The following PSTPIP2 variants were observed in gnomAD, a reference collection of about 807,000 sequenced individuals.
The protein encoded by PSTPIP2 is proline-serine-threonine phosphatase-interacting protein 2.
In PSTPIP2, 33 loss-of-function variants were observed where a neutral mutation model predicts 63.3. The ratio of observed to expected loss-of-function variants is 0.52; its 90% CI spans 0.40 to 0.70. The LOEUF (loss-of-function observed/expected upper bound fraction) is 0.70. PSTPIP2 is among the 30% of genes least tolerant of loss of function. The pLI, the probability that PSTPIP2 is intolerant of heterozygous loss-of-function variation, is 0.00. For missense variants in PSTPIP2, 312 were observed against 400.7 expected (o/e 0.78, Z 1.89); for synonymous variants, 125 against 132.7 (o/e 0.94, Z 0.40).
At chr18:45,994,076 T>C (rs1461452254) in intron 9 of PSTPIP2, 1 of 301,290 alleles carries the variant, frequency 3.3e-6, no homozygotes, top group Non-Finnish European at 6.5e-6. Flanking sequence ...AATGAATGAG[T>C]TTGACTGGCA....
chr18:45,998,924 C>T, intron 7 of PSTPIP2, 85 bp from the exon 8 acceptor site: 1 of 1,474,284 alleles, frequency 6.8e-7, no homozygotes. Context: ...GATTGAAAAG[C>T]AGTAACTATG....
At chr18:46,056,830 G>A (rs1056533241) in intron 1 of PSTPIP2, among the ~76,000 whole-genome samples, 3 of 151,954 alleles carry the variant, frequency 2.0e-5, no homozygotes, top group Non-Finnish European at 4.4e-5. Flanking sequence ...GGCCAGATGC[G>A]GTGGCTCACA....
At chr18:45,997,667 C>A (rs1401596010) in intron 9 of PSTPIP2, 82 bp downstream of exon 9, 1 of 142,246 alleles carries the variant, frequency 7.0e-6, no homozygotes, top group Non-Finnish European at 1.4e-5. Context: ...TCCTCCCCTC[C>A]CCCCCCCGTC....
At chr18:46,010,469 C>T (rs1014566735) in intron 5 of PSTPIP2, among the ~76,000 whole-genome samples, 4 of 152,182 alleles carry the variant, frequency 2.6e-5, no homozygotes, top group Non-Finnish European at 5.9e-5. Flanking sequence ...TCTAAGGACC[C>T]TACATGGCTG....
intron 2 of PSTPIP2, among the ~76,000 whole-genome samples, chr18:46,031,696 C>T (rs1236600701): frequency 6.6e-6 from 1 of 152,132 alleles, no homozygotes; most frequent in African/African-American, 2.4e-5. Flanking sequence ...ATCCTTTTAG[C>T]CGCAGAATTA....
chr18:46,042,850 C>T (rs1181051826), intron 1 of PSTPIP2, among the ~76,000 whole-genome samples: 2 of 152,156 alleles, frequency 1.3e-5, no homozygotes, highest in Non-Finnish European at 2.9e-5. Flanking sequence ...CTCTGAGTAA[C>T]ATACACAGGA....
chr18:45,994,446 T>C (rs2051571742), intron 9 of PSTPIP2, among the ~76,000 whole-genome samples: 1 of 152,212 alleles, frequency 6.6e-6, no homozygotes. Flanking sequence ...TATAAGTGGT[T>C]CTCATACTTG....
chr18:46,052,016 A>G (rs1908599040), intron 1 of PSTPIP2, among the ~76,000 whole-genome samples: 1 of 152,232 alleles, frequency 6.6e-6, no homozygotes, highest in African/African-American at 2.4e-5. Context: ...TGCCCAAGAC[A>G]GGAGCGGGGA....
chr18:46,020,542 A>G (rs1365051025), intron 3 of PSTPIP2, among the ~76,000 whole-genome samples: 3 of 152,124 alleles, frequency 2.0e-5, no homozygotes, highest in Non-Finnish European at 4.4e-5. Context: ...AATCTCAGCT[A>G]CTCAGGAGGC....
chr18:46,028,354 G>C (rs1907666463), intron 2 of PSTPIP2: 2 of 485,692 alleles, frequency 4.1e-6, no homozygotes, highest in South Asian at 1.7e-5. Flanking sequence ...GCCCCAAAAG[G>C]CTGCCGCTTC....
intron 1 of PSTPIP2, among the ~76,000 whole-genome samples, chr18:46,069,548 C>T (rs1158559543): frequency 6.6e-6 from 1 of 152,182 alleles, no homozygotes; most frequent in Non-Finnish European, 1.5e-5. Flanking sequence ...TCCTTAGTAG[C>T]TGGGACTACA....
intron 2 of PSTPIP2, among the ~76,000 whole-genome samples, chr18:46,032,869 G>A (rs1054512714): frequency 6.6e-6 from 1 of 152,002 alleles, no homozygotes; most frequent in Admixed American, 6.5e-5. Context: ...AGCAGCCTCA[G>A]GATGATCCTC....
chr18:45,990,871 G>A, intron 12 of PSTPIP2, 115 bp from the exon 13 acceptor site: 1 of 787,920 alleles, frequency 1.3e-6, no homozygotes, highest in Non-Finnish European at 1.9e-6. Context: ...TGCACTGGAG[G>A]GTCAAGAAAG....
intron 9 of PSTPIP2, among the ~76,000 whole-genome samples, chr18:45,995,141 G>A (rs964374953): frequency 2.0e-5 from 3 of 152,104 alleles, no homozygotes; most frequent in African/African-American, 7.2e-5. Context: ...TTGAGACAGG[G>A]TCTCACTTTG....
At chr18:46,047,424 T>G (rs949065853) in intron 1 of PSTPIP2, among the ~76,000 whole-genome samples, 5 of 152,096 alleles carry the variant, frequency 3.3e-5, no homozygotes, top group Non-Finnish European at 5.9e-5. Context: ...AATGCAAAAA[T>G]TAGCCAGGCA....
In PSTPIP2 at chr18:46,072,219, C is replaced by G; in HGVS notation, c.-31G>C. 1 of 1,531,820 alleles carries G rather than the reference C, an allele frequency of 6.5e-7. No homozygotes were observed. Among genetic ancestry groups the G allele is most frequent in the East Asian group, 2.6e-5 (1 of 38,944 alleles). The allele number at this position is 1,531,820 out of a possible 1,614,324, so 94.9% of individuals were successfully genotyped here. On this transcript the variant is annotated 5_prime_UTR_variant, in exon 1 of 15. Transcript: ENST00000409746. ...CGCGAGTGGGGGCGCGGAGGAGAGC[C>G]GGGCCGCAGGTAGCACAGAGCGGGG...
intron 1 of PSTPIP2, among the ~76,000 whole-genome samples, chr18:46,067,804 T>A: frequency 6.6e-6 from 1 of 152,242 alleles, no homozygotes; most frequent in East Asian, 1.9e-4. Flanking sequence ...CTTTACTGGT[T>A]CAGGGTGCTG....
At chr18:46,041,449 TG>T (rs1237588427) in intron 1 of PSTPIP2, among the ~76,000 whole-genome samples, 2 of 152,272 alleles carry the variant, frequency 1.3e-5, no homozygotes, top group East Asian at 3.9e-4. Context: ...GGTCTCGCCA[TG>T]TTGCCCAGTC....
At chr18:45,986,593 C>T (rs566775848) in intron 14 of PSTPIP2, among the ~76,000 whole-genome samples, 17 of 152,222 alleles carry the variant, frequency 1.1e-4, no homozygotes, top group African/African-American at 3.9e-4. Flanking sequence ...CACTCTGCCT[C>T]TAACTAGGGC....
Sources: allele counts gnomAD v4.1 joint callset (sites outside exome capture counted in the v4.1 genomes callset), GRCh38; gene constraint gnomAD v4.1.1; transcripts MANE v1.5; gene names NCBI Gene and HGNC (gene_info 2026-07-23, HGNC 2026-07-21).